YY1: variants seen among roughly 807,000 people sequenced by gnomAD.
YY1 encodes YY1 transcription factor.
In YY1, 2 loss-of-function variants were observed where a neutral mutation model predicts 35.6. The observed-to-expected ratio is 0.06, with a 90% CI of 0.02 to 0.18. YY1 has a LOEUF of 0.18. Among genes scored for constraint, YY1 ranks in the 10% least tolerant of loss-of-function variants. The pLI is 1.00. For missense variants in YY1, 322 were observed against 573.4 expected (o/e 0.56, Z 4.48); for synonymous variants, 268 against 238.9 (o/e 1.12, Z -1.12).
Position 100,239,463 on chromosome 14 carries a change from C to A in YY1, c.219C>A (p.His73Gln). 1 of 1,600,970 alleles carries A rather than the reference C, an allele frequency of 6.2e-7. No homozygotes were observed. Among genetic ancestry groups the A allele is most frequent in the Non-Finnish European group, 8.5e-7 (1 of 1,175,736 alleles). Reference protein sequence around the residue: ...GGHGHAGHHHHHHHHHHHPPM... With the variant: ...GGHGHAGHHHQHHHHHHHPPM... ...ACGGGCACGCCGGCCACCACCACCA[C>A]CACCATCACCACCACCACCACCCGC... The change falls in exon 1 of 5, where the codon CAC (histidine) becomes CAA (glutamine). Residue 73 changes from histidine (H) to glutamine (Q), a missense_variant. Around this residue, in one of 4 missense-constraint regions of YY1, gnomAD observed 137 missense variants for 167.0 expected, o/e 0.82. Transcript: ENST00000262238.
rs960164522 is a variant in YY1, at chr14:100,276,390, A to G, written c.904-100A>G. 6.6e-6 allele frequency: 10 copies of G among 1,504,900 alleles called. No individual in the cohort carries two copies. Among genetic ancestry groups the G allele is most frequent in the Non-Finnish European group, 8.3e-6 (9 of 1,086,024 alleles). 93.2% of individuals were successfully genotyped at this position (1,504,900 alleles called of 1,614,324 possible). On this transcript the variant is annotated intron_variant, in intron 3 of 4. Transcript: ENST00000262238. This position sits in a 1 kb window ranked among gnomAD's most constrained non-coding sequence, Gnocchi z 4.1. ...GTAAAATTAAAATGGGGGGTTGGGGAGGTGGTTTTGTTTTAATATGTCAGT... is the reference window on the plus strand; with the variant it reads ...GTAAAATTAAAATGGGGGGTTGGGGGGGTGGTTTTGTTTTAATATGTCAGT...
At chr14:100,269,071 C>T (rs1181171377) in intron 2 of YY1, among the ~76,000 whole-genome samples, 1 of 152,156 alleles carries the variant, frequency 6.6e-6, no homozygotes, top group African/African-American at 2.4e-5. Flanking sequence ...TATTCTCCCT[C>T]TCTATTTGAC....
At chr14:100,241,297 G>A (rs1890737626) in intron 1 of YY1, among the ~76,000 whole-genome samples, 1 of 152,106 alleles carries the variant, frequency 6.6e-6, no homozygotes, top group African/African-American at 2.4e-5. Context: ...AGAACTGAAT[G>A]GAGACTCAAA....
chr14:100,276,394 G>C lies in YY1; in HGVS notation c.904-96G>C. The C allele has an allele frequency of 6.4e-7, 1 of 1,551,284 alleles. No individual in the cohort carries two copies. The highest frequency in any genetic ancestry group is 8.9e-7 in the Non-Finnish European group (1 of 1,126,732). ...AATTAAAATGGGGGGTTGGGGAGGT[G>C]GTTTTGTTTTAATATGTCAGTAAAG... On this transcript the variant is annotated intron_variant, in intron 3 of 4. Coordinates refer to ENST00000262238, the MANE Select transcript of YY1 (RefSeq NM_003403.5). The surrounding 1 kb of genome is among the most constrained non-coding windows in gnomAD (Gnocchi z 4.1).
In YY1 at chr14:100,280,182, C is replaced by A. The variant is rs182817725; in HGVS notation, c.*2582C>A. ...AGGTAGTTCTCATTGGGTGTAACTT[C>A]AACCCATTCTGCTTGTGGTTAGAAT... is the stretch of plus-strand genomic sequence containing the variant. On this transcript the variant is annotated 3_prime_UTR_variant, in exon 5 of 5. Coordinates refer to ENST00000262238, the MANE Select transcript of YY1 (RefSeq NM_003403.5). 1 of 152,330 alleles carries A rather than the reference C, an allele frequency of 6.6e-6. No individual in the cohort carries two copies. The highest frequency in any genetic ancestry group is 1.5e-5 in the Non-Finnish European group (1 of 68,032). 9.4% of individuals were successfully genotyped at this position (152,330 alleles called of 1,614,324 possible).
chr14:100,276,817 G>A lies in YY1; in HGVS notation c.1062+169G>A. ...GGAGTCGCTTAGAAGGGTTGCCGGG[G>A]CTCTGGACATCCTTGTCTATACTCT... On this transcript the variant is annotated intron_variant, in intron 4 of 4. Transcript: ENST00000262238. The surrounding 1 kb of genome is among the most constrained non-coding windows in gnomAD (Gnocchi z 4.1). 2.3e-6 allele frequency: 2 copies of A among 886,174 alleles called. No homozygotes were observed. Among genetic ancestry groups the A allele is most frequent in the Non-Finnish European group, 3.5e-6 (2 of 569,458 alleles). The allele number at this position is 886,174 out of a possible 1,614,324, so 54.9% of individuals were successfully genotyped here.
At chr14:100,262,514 G>A in intron 2 of YY1, 48 bp downstream of exon 2, 1 of 1,592,856 alleles carries the variant, frequency 6.3e-7, no homozygotes. Context: ...AAGTGCTTGA[G>A]TCTTGCCAGC....
intron 1 of YY1, among the ~76,000 whole-genome samples, chr14:100,242,923 A>G (rs994432628): frequency 2.6e-5 from 4 of 152,022 alleles, no homozygotes; most frequent in Admixed American, 6.6e-5. Context: ...TATAATGTCC[A>G]TTTCTTTAAA....
chr14:100,239,863 C>G lies in YY1; in HGVS notation c.619C>G (p.Gln207Glu). The G allele has an allele frequency of 5.3e-6, 8 of 1,523,134 alleles. No homozygotes were observed. The highest frequency in any genetic ancestry group is 6.1e-6 in the Non-Finnish European group (7 of 1,139,210). The allele number at this position is 1,523,134 out of a possible 1,614,324, so 94.4% of individuals were successfully genotyped here. The change falls in exon 1 of 5, where the codon CAG becomes GAG. Residue 207 changes from glutamine to glutamate, a missense_variant. Gln to Glu is a conservative substitution (Grantham distance 29). Transcript: ENST00000262238. ...GADPGNKKWE[Q>E]KQVQIKTLEG... ...CGACCCGGGCAACAAGAAGTGGGAG[C>G]AGAAGCAGGTGCAGATCAAGACCCT...
intron 1 of YY1, among the ~76,000 whole-genome samples, chr14:100,248,238 C>G (rs1890865161): frequency 1.3e-5 from 2 of 151,820 alleles, no homozygotes; most frequent in Admixed American, 1.3e-4. Flanking sequence ...GCCTCAGCCT[C>G]CCAGGTAGCT....
At position 100,266,885 on chromosome 14, in the gene YY1, C is replaced by T. The variant is rs548612267; in HGVS notation, c.842+4419C>T. On this transcript the variant is annotated intron_variant, in intron 2 of 4. Transcript: ENST00000262238. ...GAGACCCAAGGATTCATGTTGCATG[C>T]ACCCTTTCTGAGGAGGTAATTTGAA... 2.0e-5 allele frequency among the ~76,000 whole-genome samples: 3 copies of T among 152,288 alleles called. No individual in the cohort carries two copies. The South Asian group carries it at 6.2e-4, about 32-fold the overall frequency.
At chr14:100,253,340 T>C (rs1038142224) in intron 1 of YY1, among the ~76,000 whole-genome samples, 1 of 152,194 alleles carries the variant, frequency 6.6e-6, no homozygotes, top group Non-Finnish European at 1.5e-5. Flanking sequence ...CTCCTCTATG[T>C]AGCAAATCTT....
At chr14:100,272,885 A>G (rs1396147963) in intron 2 of YY1, among the ~76,000 whole-genome samples, 1 of 151,636 alleles carries the variant, frequency 6.6e-6, no homozygotes, top group African/African-American at 2.4e-5. Context: ...AAGTGAGGAC[A>G]TACCGCGTTT....
chr14:100,240,533 GC>G (rs5810984), intron 1 of YY1, among the ~76,000 whole-genome samples: 152,144 of 152,146 alleles, frequency 1, 76,071 homozygotes, highest in Non-Finnish European at 1. Context: ...ACTCGTGGGC[GC>G]CCTCCGGCCT....
chr14:100,247,725 G>A (rs1370319472), intron 1 of YY1, among the ~76,000 whole-genome samples: 2 of 152,128 alleles, frequency 1.3e-5, no homozygotes, highest in Non-Finnish European at 2.9e-5. Context: ...GGGGAGCCAA[G>A]CCATTTCCTC....
intron 1 of YY1, among the ~76,000 whole-genome samples, chr14:100,259,312 A>G (rs1891047492): frequency 6.6e-6 from 1 of 152,314 alleles, no homozygotes; most frequent in East Asian, 1.9e-4. Flanking sequence ...CGAGGTCAAG[A>G]GATCGAGACC....
At position 100,239,606 on chromosome 14, in the gene YY1, T is replaced by G. The variant is rs1249577058; in HGVS notation, c.362T>G (p.Leu121Arg). The G allele has an allele frequency of 6.2e-7, 1 of 1,611,740 alleles. No homozygotes were observed. The highest frequency in any genetic ancestry group is 8.5e-7 in the Non-Finnish European group (1 of 1,179,536). Residue 121 changes from leucine (L) to arginine (R), a missense_variant, in exon 1 of 5, where the codon CTG becomes CGG. Coordinates refer to ENST00000262238, the MANE Select transcript of YY1 (RefSeq NM_003403.5). ...EVVGGDDSDGLRAEDGFEDQI... is the reference protein window; with the variant it reads ...EVVGGDDSDGRRAEDGFEDQI... The stretch of plus-strand genomic sequence containing the variant: ...GTGGGCGGCGACGACTCGGACGGGC[T>G]GCGCGCCGAGGACGGCTTCGAGGAT...
intron 2 of YY1, among the ~76,000 whole-genome samples, chr14:100,267,488 G>A (rs1891172227): frequency 6.6e-6 from 1 of 151,946 alleles, no homozygotes; most frequent in South Asian, 2.1e-4. Flanking sequence ...CTGTGAGGTG[G>A]GTCAAGGGTT....
intron 1 of YY1, among the ~76,000 whole-genome samples, chr14:100,248,679 C>CTTTTT (rs11415073): frequency 1.9e-3 from 198 of 104,986 alleles, no homozygotes; most frequent in African/African-American, 4.1e-3. Flanking sequence ...GAGTAAAATT[C>CTTTTT]TTTTTTTTTT....
Sources: allele counts gnomAD v4.1 joint callset (sites outside exome capture counted in the v4.1 genomes callset), GRCh38; gene constraint gnomAD v4.1.1; regional missense constraint gnomAD v4.1.1; non-coding constraint Gnocchi (gnomAD v3.1); transcripts MANE v1.5; gene names NCBI Gene and HGNC (gene_info 2026-07-23, HGNC 2026-07-21).